The following PLEKHM2 variants were observed in gnomAD, a reference collection of about 807,000 sequenced individuals.
PLEKHM2 encodes pleckstrin homology domain-containing family M member 2.
In PLEKHM2, 77 loss-of-function variants were observed where a neutral mutation model predicts 116.3. The ratio of observed to expected loss-of-function variants is 0.66; its 90% confidence interval spans 0.55 to 0.80. The LOEUF is 0.80. PLEKHM2 is among the 30% of genes least tolerant of loss of function. PLEKHM2 has a pLI of 0.00. For synonymous variants in PLEKHM2, 562 were observed against 571.0 expected (o/e 0.98, Z 0.22); for missense variants, 1,183 against 1,354.9 (o/e 0.87, Z 1.99).
In PLEKHM2 at chr1:15,729,841, G is replaced by C. The variant is rs778454674; in HGVS notation, c.2120G>C (p.Arg707Pro). The change falls in exon 14 of 20, where the codon CGA becomes CCA. Residue 707 changes from arginine (R) to proline (P), a missense_variant. Coordinates refer to ENST00000375799, the MANE Select transcript of PLEKHM2 (RefSeq NM_015164.4). This position sits in a 1 kb window ranked among gnomAD's most constrained non-coding sequence, Gnocchi z 4.7. ...SLKSAMIKGC[R>P]EPPYPSILTD... ...AAGTCAGCCATGATCAAAGGCTGTC[G>C]AGAACCTCCCTACCCCAGCATCCTG... is the stretch of plus-strand genomic sequence containing the variant. 1 of 1,613,340 alleles carries C rather than the reference G, an allele frequency of 6.2e-7. No individual in the cohort carries two copies. Among genetic ancestry groups the C allele is most frequent in the Non-Finnish European group, 8.5e-7 (1 of 1,179,648 alleles).
intron 1 of PLEKHM2, among the ~76,000 whole-genome samples, chr1:15,703,806 G>A (rs189196349): frequency 2.0e-5 from 3 of 152,284 alleles, no homozygotes; most frequent in Non-Finnish European, 2.9e-5. Flanking sequence ...GTCTTGTGAC[G>A]CCCAGCCTTC....
At chr1:15,686,944 C>T (rs1006375478) in intron 1 of PLEKHM2, among the ~76,000 whole-genome samples, 1 of 151,820 alleles carries the variant, frequency 6.6e-6, no homozygotes, top group African/African-American at 2.4e-5. Flanking sequence ...GCCACGGCGC[C>T]CAGCGTCTAA....
chr1:15,705,111 T>C (rs1030904899), intron 1 of PLEKHM2, among the ~76,000 whole-genome samples: 1 of 147,076 alleles, frequency 6.8e-6, no homozygotes, highest in African/African-American at 2.5e-5. Context: ...GCACCCCCCC[T>C]GCCCCTGAAC....
chr1:15,684,513 CGGCGGCGGCGGTGGCGGTGGCGGT>C lies in PLEKHM2; in HGVS notation c.-38_-15del, dbSNP rs1477517497. On this transcript the variant is annotated 5_prime_UTR_variant, in exon 1 of 20. Coordinates refer to ENST00000375799, the MANE Select transcript of PLEKHM2 (RefSeq NM_015164.4). ...CCCGGCGCGGGAAGCGGCGGCGGGG[CGGCGGCGGCGGTGGCGGTGGCGGT>C]GGCGGCGACGGTGGCAGCGCCATGG... 1.9e-6 allele frequency: 2 copies of C among 1,037,300 alleles called. No individual in the cohort carries two copies. Among genetic ancestry groups the C allele is most frequent in the African/African-American group, 1.8e-5 (1 of 56,832 alleles). 64.3% of individuals were successfully genotyped at this position (1,037,300 alleles called of 1,614,324 possible).
Position 15,727,847 on chromosome 1 carries a change from C to A in PLEKHM2, c.1760+15C>A. The stretch of plus-strand genomic sequence containing the variant: ...TCGGAGTTCAGGTAACAAGACTCTG[C>A]AGCTGGCATGGGACTCTCCCAGCCC... On this transcript the variant is annotated intron_variant, in intron 9 of 19. Coordinates refer to ENST00000375799, the MANE Select transcript of PLEKHM2 (RefSeq NM_015164.4). This position sits in a 1 kb window ranked among gnomAD's most constrained non-coding sequence, Gnocchi z 7.5. The A allele has an allele frequency of 6.5e-7, 1 of 1,529,640 alleles. No individual in the cohort carries two copies. Among genetic ancestry groups the A allele is most frequent in the Non-Finnish European group, 8.8e-7 (1 of 1,130,992 alleles). 94.8% of individuals were successfully genotyped at this position (1,529,640 alleles called of 1,614,324 possible). A position where few individuals can be genotyped will look rare whatever the true frequency, so the allele number is the denominator to read the frequency against.
intron 1 of PLEKHM2, among the ~76,000 whole-genome samples, chr1:15,712,845 T>A (rs10927838): frequency 3.3e-5 from 5 of 151,244 alleles, no homozygotes; most frequent in Non-Finnish European, 5.9e-5. Context: ...TTTTCGCCCC[T>A]GCTGGAGTGC....
At chr1:15,710,324 G>GTTGTTGTTA (rs763946633) in intron 1 of PLEKHM2, among the ~76,000 whole-genome samples, 12 of 151,826 alleles carry the variant, frequency 7.9e-5, no homozygotes, top group Non-Finnish European at 1.5e-5. Flanking sequence ...CAGTTTTGTT[G>GTTGTTGTTA]TTGTTGTTAT....
At chr1:15,705,929 A>G (rs1641217163) in intron 1 of PLEKHM2, among the ~76,000 whole-genome samples, 1 of 152,068 alleles carries the variant, frequency 6.6e-6, no homozygotes, top group Non-Finnish European at 1.5e-5. Flanking sequence ...CATCTCTACA[A>G]AACAGAAAAA....
chr1:15,695,956 C>T (rs1397466437), intron 1 of PLEKHM2, among the ~76,000 whole-genome samples: 2 of 148,368 alleles, frequency 1.3e-5, no homozygotes, highest in East Asian at 2.0e-4. Context: ...GTGTGCACCA[C>T]CACGTCCAAC....
At chr1:15,692,612 T>C (rs1393622957) in intron 1 of PLEKHM2, among the ~76,000 whole-genome samples, 1 of 152,132 alleles carries the variant, frequency 6.6e-6, no homozygotes, top group African/African-American at 2.4e-5. Context: ...CGTTTTTTGG[T>C]TTTTTTGTAG....
At position 15,713,629 on chromosome 1, in the gene PLEKHM2, TG is replaced by T. The variant is rs199688150; in HGVS notation, c.61-2607del. ...AATAATATTCTGTTTTTTGTTTGTTTGTTTGTTTTTTGTTTTTTGTTTTTGA... is the reference window on the plus strand; with the variant it reads ...AATAATATTCTGTTTTTTGTTTGTTTTTTGTTTTTTGTTTTTTGTTTTTGA... On this transcript the variant is annotated intron_variant, in intron 1 of 19. Coordinates refer to ENST00000375799, the MANE Select transcript of PLEKHM2 (RefSeq NM_015164.4). Among the ~76,000 whole-genome samples, 485 of 145,282 alleles carry T rather than the reference TG, an allele frequency of 3.3e-3. 1 individual carries two copies. The highest frequency in any genetic ancestry group is 0.012 in the African/African-American group (451 of 36,368).
At chr1:15,701,600 T>C (rs559876588) in intron 1 of PLEKHM2, among the ~76,000 whole-genome samples, 2 of 152,126 alleles carry the variant, frequency 1.3e-5, no homozygotes, top group East Asian at 3.9e-4. Flanking sequence ...CCATCCTGGC[T>C]AACACGGTGA....
At chr1:15,711,986 C>T (rs1252072932) in intron 1 of PLEKHM2, among the ~76,000 whole-genome samples, 4 of 151,570 alleles carry the variant, frequency 2.6e-5, no homozygotes, top group East Asian at 3.9e-4. Context: ...GGCACGGTGG[C>T]GCGTGCCTGT....
Position 15,725,324 on chromosome 1 carries a change from C to CCTCACAGA in PLEKHM2, c.722_729dup (p.Thr244SerfsTer15), listed in dbSNP as rs1375048575. On this transcript the variant is annotated frameshift_variant, in exon 8 of 20. Coordinates refer to ENST00000375799, the MANE Select transcript of PLEKHM2 (RefSeq NM_015164.4). LOFTEE classifies it high-confidence loss of function. ...GCTTCCTTGTCCTCCCAGATGGAGA[C>CCTCACAGA]CTCACAGACACGGTCAGTGGTCCCC... The CCTCACAGA allele has an allele frequency of 6.4e-7, 1 of 1,550,526 alleles. No individual in the cohort carries two copies. The highest frequency in any genetic ancestry group is 8.7e-7 in the Non-Finnish European group (1 of 1,146,350).
chr1:15,699,166 T>A (rs763491003), intron 1 of PLEKHM2, among the ~76,000 whole-genome samples: 2 of 151,490 alleles, frequency 1.3e-5, no homozygotes, highest in Non-Finnish European at 2.9e-5. Context: ...CTCTATTATT[T>A]TATTATTGTT....
Position 15,721,279 on chromosome 1 carries a change from C to T in PLEKHM2, c.653-50C>T. 8.5e-7 allele frequency: 1 copy of T among 1,179,620 alleles called. No individual in the cohort carries two copies. Among genetic ancestry groups the T allele is most frequent in the Non-Finnish European group, 1.2e-6 (1 of 808,790 alleles). The allele number at this position is 1,179,620 out of a possible 1,614,324, so 73.1% of individuals were successfully genotyped here. A position where few individuals can be genotyped will look rare whatever the true frequency, so the allele number is the denominator to read the frequency against. On this transcript the variant is annotated intron_variant, in intron 6 of 19. Coordinates refer to ENST00000375799, the MANE Select transcript of PLEKHM2 (RefSeq NM_015164.4). This position sits in a 1 kb window ranked among gnomAD's most constrained non-coding sequence, Gnocchi z 5.1. ...TTCCCCTCCCCTCCCTCCAGTCATC[C>T]TTCCACTGCCTGTGTTTCTAATCTT...
intron 1 of PLEKHM2, among the ~76,000 whole-genome samples, chr1:15,710,295 T>C (rs72881316): frequency 0.025 from 3,849 of 151,692 alleles, 175 homozygotes; most frequent in African/African-American, 0.087. Context: ...ATTAAAATAA[T>C]GTACTAGAAC....
chr1:15,725,494 A>C lies in PLEKHM2; in HGVS notation c.890A>C (p.Glu297Ala), dbSNP rs750549299. 5.1e-6 allele frequency: 8 copies of C among 1,580,618 alleles called. No individual in the cohort carries two copies. In the East Asian group the frequency reaches 9.4e-5, roughly 19 times the overall value. Residue 297 changes from glutamate (E) to alanine (A), a missense_variant, in exon 8 of 20, where the codon GAG (glutamate) becomes GCG (alanine). By Grantham distance (107) the Glu-to-Ala change is moderately radical. This residue lies in a region of PLEKHM2 where 372 missense variants were observed against 357.2 expected (regional missense o/e 1.04). Coordinates refer to ENST00000375799, the MANE Select transcript of PLEKHM2 (RefSeq NM_015164.4). ...PVHTTSQEKE[E>A]AQALDPPDAC... is the part of the protein sequence containing the mutation. ...CACACCACCTCTCAGGAGAAGGAGG[A>C]GGCCCAGGCCCTGGACCCGCCGGAT...
At chr1:15,730,033 A>C in intron 14 of PLEKHM2, 104 bp downstream of exon 14, 2 of 397,292 alleles carry the variant, frequency 5.0e-6, no homozygotes, top group Non-Finnish European at 4.2e-6. Flanking sequence ...TTGCCATTTC[A>C]CAATCGCCTA....
Sources: gnomAD v4.1 joint callset for allele counts (sites outside exome capture counted in the v4.1 genomes callset) on GRCh38, gnomAD v4.1.1 for gene constraint, gnomAD v4.1.1 regional missense constraint, Gnocchi (gnomAD v3.1) non-coding constraint, MANE v1.5 for transcripts, NCBI Gene and HGNC (gene_info 2026-07-23, HGNC 2026-07-21) for gene names.